The following SLC27A6 variants were observed in gnomAD, a reference collection of about 807,000 sequenced individuals.
The protein encoded by SLC27A6 is long-chain fatty acid transport protein 6.
A neutral mutation model predicts 63.9 loss-of-function variants in SLC27A6; 74 were observed. The observed-to-expected ratio is 1.16, with a 90% CI of 0.96 to 1.40. The LOEUF is 1.40. Among genes scored for constraint, SLC27A6 ranks in the 40% most tolerant of loss-of-function variants. The probability of loss-of-function intolerance (pLI) is 0.00; values close to 1 mark genes in which losing one functional copy is unlikely to be tolerated. For missense variants in SLC27A6, 794 were observed against 732.9 expected (o/e 1.08, Z -0.96); for synonymous variants, 287 against 260.8 (o/e 1.10, Z -0.97).
chr5:129,029,288 G>A (rs978709828), intron 8 of SLC27A6, among the ~76,000 whole-genome samples: 22 of 151,998 alleles, frequency 1.4e-4, no homozygotes, highest in African/African-American at 5.1e-4. Flanking sequence ...ATTTGTTTTA[G>A]TGATGGTAGG....
chr5:128,971,859 G>A (rs887504030), intron 1 of SLC27A6, among the ~76,000 whole-genome samples: 15 of 152,078 alleles, frequency 9.9e-5, no homozygotes, highest in African/African-American at 2.2e-4. Flanking sequence ...TTCTAGCGTC[G>A]ATGGTCTTTA....
chr5:129,003,672 A>G (rs1320731549), intron 4 of SLC27A6, among the ~76,000 whole-genome samples: 2 of 152,130 alleles, frequency 1.3e-5, no homozygotes, highest in Non-Finnish European at 2.9e-5. Flanking sequence ...CCCTGTCTCT[A>G]CAAAAGTAAA....
intron 4 of SLC27A6, among the ~76,000 whole-genome samples, chr5:129,006,258 T>C (rs1166505130): frequency 6.6e-6 from 1 of 151,236 alleles, no homozygotes; most frequent in Admixed American, 6.6e-5. Flanking sequence ...GCCCGCCTAA[T>C]TTTTTGTATT....
chr5:128,976,806 T>G (rs1750403280), intron 1 of SLC27A6, among the ~76,000 whole-genome samples: 1 of 152,246 alleles, frequency 6.6e-6, no homozygotes, highest in Non-Finnish European at 1.5e-5. Context: ...TCAAAATATG[T>G]TGAACAGCAA....
At chr5:128,996,212 T>C (rs1751155340) in intron 4 of SLC27A6, among the ~76,000 whole-genome samples, 1 of 152,184 alleles carries the variant, frequency 6.6e-6, no homozygotes, top group Admixed American at 6.5e-5. Flanking sequence ...GTTTGACATT[T>C]AGGCTATATA....
chr5:129,027,026 G>A (rs1396811665), intron 6 of SLC27A6, 107 bp from the exon 7 acceptor site: 4 of 884,742 alleles, frequency 4.5e-6, no homozygotes, highest in Non-Finnish European at 7.3e-6. Context: ...AGGAAGCTGA[G>A]ATAAGCAGCA....
chr5:129,018,285 T>G (rs2150151128), intron 5 of SLC27A6, among the ~76,000 whole-genome samples: 1 of 152,234 alleles, frequency 6.6e-6, no homozygotes, highest in Admixed American at 6.5e-5. Context: ...CTGCCATACC[T>G]CAAAGAACAC....
chr5:128,985,199 A>G lies in SLC27A6; in HGVS notation c.548A>G (p.Lys183Arg), dbSNP rs1036393516. 12 of 1,614,012 alleles carry G rather than the reference A, an allele frequency of 7.4e-6. No homozygotes were observed. Among genetic ancestry groups the G allele is most frequent in the Non-Finnish European group, 1.0e-5 (12 of 1,179,940 alleles). Reference protein sequence around the residue: ...LSENISVWGMKDSVPQGVISL... With the variant: ...LSENISVWGMRDSVPQGVISL... ...GAAAATATCAGTGTTTGGGGGATGAAAGATTCTGTTCCACAAGGTGTAATT... is the reference window on the plus strand; with the variant it reads ...GAAAATATCAGTGTTTGGGGGATGAGAGATTCTGTTCCACAAGGTGTAATT... Residue 183 changes from lysine (K) to arginine (R), a missense_variant, in exon 2 of 10, where the codon AAA (lysine) becomes AGA (arginine). Transcript: ENST00000262462.
chr5:128,977,267 T>C (rs1750421957), intron 1 of SLC27A6, among the ~76,000 whole-genome samples: 1 of 152,230 alleles, frequency 6.6e-6, no homozygotes, highest in Non-Finnish European at 1.5e-5. Context: ...ACAAAACAAA[T>C]TTCCTCAGTT....
chr5:128,986,343 T>C (rs146319652), intron 2 of SLC27A6, among the ~76,000 whole-genome samples: 79 of 152,208 alleles, frequency 5.2e-4, no homozygotes, highest in East Asian at 4.4e-3. Context: ...TCAAAAGAAA[T>C]GTTAAACTTA....
chr5:128,995,763 C>T (rs174006), intron 4 of SLC27A6, among the ~76,000 whole-genome samples: 28,723 of 152,012 alleles, frequency 0.19, 3,788 homozygotes, highest in East Asian at 0.68. Flanking sequence ...TCTTGTAGGG[C>T]TTGAATCTTT....
chr5:129,016,766 G>T (rs1364214506), intron 5 of SLC27A6, among the ~76,000 whole-genome samples: 1 of 151,394 alleles, frequency 6.6e-6, no homozygotes, highest in Non-Finnish European at 1.5e-5. Context: ...ATCTTTCATC[G>T]TTTATACCAC....
At chr5:128,976,439 G>C (rs1213827498) in intron 1 of SLC27A6, among the ~76,000 whole-genome samples, 2 of 152,176 alleles carry the variant, frequency 1.3e-5, no homozygotes, top group Admixed American at 6.5e-5. Context: ...GCTTGAACCT[G>C]GGAGGCGGAG....
intron 4 of SLC27A6, among the ~76,000 whole-genome samples, chr5:128,995,183 AC>A (rs1751115093): frequency 6.6e-6 from 1 of 152,094 alleles, no homozygotes; most frequent in South Asian, 2.1e-4. Context: ...ATATGTTGGA[AC>A]TCTAGACATC....
At chr5:129,025,628 G>A (rs1422626222) in intron 6 of SLC27A6, among the ~76,000 whole-genome samples, 1 of 152,050 alleles carries the variant, frequency 6.6e-6, no homozygotes. Flanking sequence ...TGACTATTAT[G>A]CAAAAAGTGC....
chr5:128,988,729 T>G lies in SLC27A6; in HGVS notation c.815T>G (p.Ile272Ser), dbSNP rs772507564. ...TLPLYHSSAA[I>S]LGISGCVELG... ...CCTCTGTATCATAGTTCAGCAGCTATCCTGGGAATTTCTGGATGTGTTGAG... is the reference window on the plus strand; with the variant it reads ...CCTCTGTATCATAGTTCAGCAGCTAGCCTGGGAATTTCTGGATGTGTTGAG... Residue 272 changes from isoleucine to serine, a missense_variant, in exon 3 of 10, where the codon ATC becomes AGC. Transcript: ENST00000262462. The G allele has an allele frequency of 1.9e-6, 3 of 1,613,218 alleles. No homozygotes were observed. The highest frequency in any genetic ancestry group is 2.5e-6 in the Non-Finnish European group (3 of 1,179,638).
intron 1 of SLC27A6, among the ~76,000 whole-genome samples, chr5:128,972,222 A>G (rs963336480): frequency 6.6e-6 from 1 of 152,126 alleles, no homozygotes; most frequent in Non-Finnish European, 1.5e-5. Context: ...ACTTTGGTGA[A>G]TCTGACAATT....
intron 1 of SLC27A6, among the ~76,000 whole-genome samples, chr5:128,974,519 GTGT>G (rs1421787019): frequency 2.6e-5 from 4 of 152,212 alleles, no homozygotes; most frequent in Non-Finnish European, 4.4e-5. Context: ...TTAAAATACT[GTGT>G]TGTTGGCATC....
intron 5 of SLC27A6, among the ~76,000 whole-genome samples, chr5:129,022,989 T>C (rs1469598248): frequency 6.6e-6 from 1 of 152,126 alleles, no homozygotes; most frequent in Non-Finnish European, 1.5e-5. Context: ...TTTTTGGTTC[T>C]TGATGCGATG....
Sources: allele counts gnomAD v4.1 joint callset (sites outside exome capture counted in the v4.1 genomes callset), GRCh38; gene constraint gnomAD v4.1.1; transcripts MANE v1.5; gene names NCBI Gene and HGNC (gene_info 2026-07-23, HGNC 2026-07-21).